The following PCDH15 variants were observed in gnomAD, a reference collection of about 807,000 sequenced individuals.
PCDH15 encodes protocadherin related 15.
Under a neutral mutation model 178.5 loss-of-function variants are expected in PCDH15, and 129 were observed. The ratio of observed to expected loss-of-function variants is 0.72; its 90% confidence interval spans 0.63 to 0.84. PCDH15 has a LOEUF of 0.84. PCDH15 is among the 40% of genes least tolerant of loss of function. The pLI is 0.00. For missense variants in PCDH15, 2,230 were observed against 2,099.9 expected, an observed-to-expected ratio of 1.06 and a Z score of -1.21; for synonymous variants, 800 against 732.0, an observed-to-expected ratio of 1.09 and a Z score of -1.50.
chr10:54,746,175 G>C (rs1469293611), intron 1 of PCDH15, among the ~76,000 whole-genome samples: 2 of 152,102 alleles, frequency 1.3e-5, no homozygotes, highest in Admixed American at 1.3e-4. Context: ...TGAATTTTAG[G>C]ATGTTTAACA....
At chr10:54,778,750 C>T (rs1368048599) in intron 1 of PCDH15, among the ~76,000 whole-genome samples, 1 of 152,040 alleles carries the variant, frequency 6.6e-6, no homozygotes, top group Non-Finnish European at 1.5e-5. Flanking sequence ...TATTGAATCT[C>T]ACATTCATTA....
At chr10:53,832,856 G>A (rs995649423) in intron 29 of PCDH15, among the ~76,000 whole-genome samples, 2 of 151,796 alleles carry the variant, frequency 1.3e-5, no homozygotes, top group African/African-American at 4.8e-5. Context: ...GAAGTGCCTG[G>A]TATCACATAT....
At chr10:55,141,081 A>G (rs6481146) in intron 2 of PCDH15, among the ~76,000 whole-genome samples, 146,702 of 152,094 alleles carry the variant, frequency 0.96, 70,938 homozygotes, top group Non-Finnish European at 1. Flanking sequence ...CCTTGAGTCT[A>G]TAAGTTTGTC....
intron 1 of PCDH15, among the ~76,000 whole-genome samples, chr10:55,311,350 A>T (rs1843581522): frequency 6.6e-6 from 1 of 152,184 alleles, no homozygotes; most frequent in Non-Finnish European, 1.5e-5. Flanking sequence ...ATTCCCCTAA[A>T]GCAGGAAGTT....
chr10:53,991,225 C>A (rs572992320), intron 21 of PCDH15, among the ~76,000 whole-genome samples: 1 of 152,286 alleles, frequency 6.6e-6, no homozygotes, highest in Admixed American at 6.5e-5. Flanking sequence ...GCAGGCAGCT[C>A]TGCCTGCAGC....
rs535522410 is a variant in PCDH15 at position 55,266,060 on chromosome 10, T to C, written c.-156+53539A>G. ...TTAACCACTCCCATAGAAGGTTTAA[T>C]ACCTTTCACCAGGGTGAAACACCTC... On this transcript the variant is annotated intron_variant, in intron 1 of 5. Transcript: ENST00000458638. Among the ~76,000 whole-genome samples the C allele has an allele frequency of 2.6e-5, 4 of 152,340 alleles. No individual in the cohort carries two copies. In the South Asian group the frequency reaches 6.2e-4, roughly 24 times the overall value.
At chr10:55,388,541 G>T (rs1280166092) in intron 2 of PCDH15, among the ~76,000 whole-genome samples, 1 of 151,988 alleles carries the variant, frequency 6.6e-6, no homozygotes, top group Non-Finnish European at 1.5e-5. Flanking sequence ...CAAATTAACA[G>T]GGTTTTTAGA....
rs371670687 is a variant in PCDH15 at position 54,429,107 on chromosome 10, T to C, written c.158-50165A>G. ...TAAATGATAAATCAATCCAAAATAA[T>C]AACTACAATAACTTTTCAAAACATA... is the stretch of plus-strand genomic sequence containing the variant. On this transcript the variant is annotated intron_variant, in intron 3 of 37. Coordinates refer to ENST00000644397, the MANE Select transcript of PCDH15 (RefSeq NM_001384140.1). Among the ~76,000 whole-genome samples, 61 of 152,190 alleles carry C rather than the reference T, an allele frequency of 4.0e-4. 1 individual carries two copies. Among genetic ancestry groups the C allele is most frequent in the African/African-American group, 1.3e-3 (52 of 41,516 alleles).
intron 2 of PCDH15, among the ~76,000 whole-genome samples, chr10:55,561,792 T>C (rs966065012): frequency 3.3e-5 from 5 of 151,870 alleles, no homozygotes; most frequent in Non-Finnish European, 7.4e-5. Context: ...TGGATTCATT[T>C]TGGGGAGAAT....
intron 3 of PCDH15, among the ~76,000 whole-genome samples, chr10:54,427,802 C>T (rs555293144): frequency 6.6e-6 from 1 of 151,990 alleles, no homozygotes; most frequent in African/African-American, 2.4e-5. Context: ...CTAGTAAAAA[C>T]TAAAGAGGGA....
intron 6 of PCDH15, among the ~76,000 whole-genome samples, chr10:54,331,517 T>C (rs1054612808): frequency 6.6e-6 from 1 of 152,004 alleles, no homozygotes; most frequent in African/African-American, 2.4e-5. Context: ...TATTCAACTT[T>C]GCTTATACCT....
At chr10:55,301,509 G>A (rs1016266856) in intron 1 of PCDH15, among the ~76,000 whole-genome samples, 2 of 151,252 alleles carry the variant, frequency 1.3e-5, no homozygotes, top group African/African-American at 4.9e-5. Context: ...GCCCCTTATT[G>A]TATGTGTGGT....
At chr10:53,972,708 C>T (rs1589702773) in intron 21 of PCDH15, among the ~76,000 whole-genome samples, 1 of 152,262 alleles carries the variant, frequency 6.6e-6, no homozygotes, top group African/African-American at 2.4e-5. Context: ...CATCACTGGC[C>T]ATCAGAGAAA....
intron 2 of PCDH15, chr10:54,528,521 C>T (rs1417795566): frequency 7.3e-6 from 5 of 687,000 alleles, no homozygotes; most frequent in Non-Finnish European, 1.2e-5. Context: ...AAGCATTATA[C>T]AATAACATTA....
intron 3 of PCDH15, among the ~76,000 whole-genome samples, chr10:54,449,848 C>T (rs1004329645): frequency 6.6e-6 from 1 of 151,598 alleles, no homozygotes; most frequent in Non-Finnish European, 1.5e-5. Context: ...GGAGGTAGGG[C>T]GGCAGGTCCT....
At chr10:54,176,333 T>A (rs930954218) in intron 13 of PCDH15, among the ~76,000 whole-genome samples, 1 of 152,126 alleles carries the variant, frequency 6.6e-6, no homozygotes, top group Non-Finnish European at 1.5e-5. Context: ...GGAGATACAG[T>A]TGATAGCTGG....
intron 2 of PCDH15, among the ~76,000 whole-genome samples, chr10:54,957,630 T>A (rs1211697336): frequency 6.6e-6 from 1 of 151,548 alleles, no homozygotes; most frequent in East Asian, 1.9e-4. Flanking sequence ...AGAATGGTAC[T>A]GGGGTGGTAG....
chr10:54,787,784 C>A (rs543851782), intron 1 of PCDH15, among the ~76,000 whole-genome samples: 99 of 152,072 alleles, frequency 6.5e-4, no homozygotes, highest in African/African-American at 2.4e-3. Flanking sequence ...AGATGCATCC[C>A]AAATTCATGT....
chr10:54,429,375 G>T (rs1476652707), intron 3 of PCDH15, among the ~76,000 whole-genome samples: 1 of 152,044 alleles, frequency 6.6e-6, no homozygotes, highest in Non-Finnish European at 1.5e-5. Context: ...AAATCCTACT[G>T]CCAAGAATAT....
Sources: allele counts gnomAD v4.1 joint callset (sites outside exome capture counted in the v4.1 genomes callset), GRCh38; gene constraint gnomAD v4.1.1; transcripts MANE v1.5; gene names NCBI Gene and HGNC (gene_info 2026-07-23, HGNC 2026-07-21).